PKHD1L1: variants seen among roughly 807,000 people sequenced by gnomAD.
PKHD1L1 encodes the protein fibrocystin-L.
PKHD1L1 carries 434 observed loss-of-function variants against 462.9 expected under a neutral mutation model. That is an observed-to-expected ratio of 0.94 (90% CI 0.87 to 1.02). PKHD1L1 has a LOEUF of 1.02. Among genes scored for constraint, PKHD1L1 ranks in the 50% least tolerant of loss-of-function variants. PKHD1L1 has a pLI of 0.00. For missense variants in PKHD1L1, 5,202 were observed against 5,096.1 expected (o/e 1.02, Z -0.63); for synonymous variants, 1,781 against 1,750.0 (o/e 1.02, Z -0.44).
Position 109,419,265 on chromosome 8 carries a change from G to A in PKHD1L1, c.2524+5G>A, listed in dbSNP as rs1814344095. On this transcript the variant is annotated splice_donor_5th_base_variant and intron_variant, in intron 22 of 77. Transcript: ENST00000378402. ...CTACAATCTCAACATTGGATGGTAT[G>A]TTGTATCATTTTATCTCTGCTTTAA... 3 of 1,575,942 alleles carry A rather than the reference G, an allele frequency of 1.9e-6. No homozygotes were observed. Among genetic ancestry groups the A allele is most frequent in the African/African-American group, 1.3e-5 (1 of 74,418 alleles).
At chr8:109,512,010 T>A (rs1440312226) in intron 71 of PKHD1L1, among the ~76,000 whole-genome samples, 6 of 152,230 alleles carry the variant, frequency 3.9e-5, no homozygotes, top group African/African-American at 1.4e-4. Flanking sequence ...GAAGTGTCTG[T>A]TCATGTCCTT....
chr8:109,456,023 C>T (rs1186127879), intron 45 of PKHD1L1, among the ~76,000 whole-genome samples: 1 of 152,100 alleles, frequency 6.6e-6, no homozygotes, highest in African/African-American at 2.4e-5. Context: ...TAGGGTATAT[C>T]ATTGCAGAAG....
intron 28 of PKHD1L1, 87 bp downstream of exon 28, chr8:109,433,303 G>A (rs1265074571): frequency 5.4e-5 from 59 of 1,100,562 alleles, no homozygotes; most frequent in Middle Eastern, 4.4e-4. Context: ...TATCTTGATC[G>A]TGTACAATTA....
intron 2 of PKHD1L1, among the ~76,000 whole-genome samples, chr8:109,365,580 C>A (rs1412592458): frequency 6.6e-6 from 1 of 152,020 alleles, no homozygotes; most frequent in Admixed American, 6.6e-5. Context: ...ATATCTTTAA[C>A]CATATGTTTC....
intron 2 of PKHD1L1, 97 bp from the exon 3 acceptor site, chr8:109,381,273 G>A (rs924821014): frequency 8.8e-6 from 9 of 1,027,446 alleles, no homozygotes; most frequent in Middle Eastern, 2.3e-4. Flanking sequence ...TAATGTTTAT[G>A]AAATCATTTA....
chr8:109,388,245 A>T (rs1468461089), intron 6 of PKHD1L1, among the ~76,000 whole-genome samples: 3 of 152,160 alleles, frequency 2.0e-5, no homozygotes, highest in East Asian at 3.8e-4. Context: ...CATCTTTCCC[A>T]GTTAAAATGT....
chr8:109,487,924 GGAAGGAAGGAAGGAAGGAAA>G (rs1387224331), intron 59 of PKHD1L1, among the ~76,000 whole-genome samples: 11 of 150,172 alleles, frequency 7.3e-5, no homozygotes, highest in Non-Finnish European at 1.5e-4. Flanking sequence ...AAGGAAGGAA[GGAAGGAAGGAAGGAAGGAAA>G]GAAGGAAGGA....
rs1184813393 is a variant in PKHD1L1 at position 109,532,629 on chromosome 8, T to C, written c.*2539T>C. 6.6e-6 allele frequency among the ~76,000 whole-genome samples: 1 copy of C among 152,192 alleles called. No individual in the cohort carries two copies. The highest frequency in any genetic ancestry group is 1.5e-5 in the Non-Finnish European group (1 of 68,024). ...AGACCTGAAATGTTGGCGAAGTAAA[T>C]ATGTTGTTCCAATTTTGGTCAAAGT... On this transcript the variant is annotated 3_prime_UTR_variant, in exon 78 of 78. Coordinates refer to ENST00000378402, the MANE Select transcript of PKHD1L1 (RefSeq NM_177531.6).
chr8:109,513,559 C>G (rs551535763), intron 71 of PKHD1L1, among the ~76,000 whole-genome samples: 1 of 152,100 alleles, frequency 6.6e-6, no homozygotes, highest in Non-Finnish European at 1.5e-5. Context: ...AGTGTCATCA[C>G]TCAGATTTTC....
chr8:109,374,425 G>A (rs1811694675), intron 2 of PKHD1L1, among the ~76,000 whole-genome samples: 1 of 152,164 alleles, frequency 6.6e-6, no homozygotes, highest in African/African-American at 2.4e-5. Flanking sequence ...CCTGAATACA[G>A]CACACTGATG....
chr8:109,430,972 C>CTTT (rs11315322), intron 27 of PKHD1L1, among the ~76,000 whole-genome samples: 1 of 138,960 alleles, frequency 7.2e-6, no homozygotes. Flanking sequence ...TGAATTCCCA[C>CTTT]TTTTTTTTTT....
In PKHD1L1 at chr8:109,384,178, G is replaced by A; in HGVS notation, c.475+51G>A. On this transcript the variant is annotated intron_variant, in intron 5 of 77. Transcript: ENST00000378402. The stretch of plus-strand genomic sequence containing the variant: ...CTTTTGGTTTCATGGTAAATAATGT[G>A]TTTATTTTTTAGTATATGAAATTAG... 2.3e-6 allele frequency: 3 copies of A among 1,307,532 alleles called. No individual in the cohort carries two copies. The South Asian group carries it at 3.8e-5, about 17-fold the overall frequency. The allele number at this position is 1,307,532 out of a possible 1,614,324, so 81.0% of individuals were successfully genotyped here.
At chr8:109,451,978 G>GA in intron 41 of PKHD1L1, 146 bp from the exon 42 acceptor site, 5 of 641,064 alleles carry the variant, frequency 7.8e-6, no homozygotes, top group Non-Finnish European at 1.2e-5. Flanking sequence ...TCTTAATATT[G>GA]AAAAAAAGCA....
At chr8:109,426,962 A>C (rs553510314) in intron 24 of PKHD1L1, 40 bp from the exon 25 acceptor site, 2 of 1,142,656 alleles carry the variant, frequency 1.8e-6, no homozygotes, top group South Asian at 1.2e-5. Context: ...CCGTTTGTGA[A>C]TTGTGACTCC....
intron 6 of PKHD1L1, 43 bp from the exon 7 acceptor site, chr8:109,388,454 G>T (rs955514296): frequency 2.2e-6 from 3 of 1,379,994 alleles, no homozygotes; most frequent in East Asian, 5.1e-5. Flanking sequence ...GAAACAATTT[G>T]TTAAACATAA....
At chr8:109,406,514 A>C (rs1813545341) in intron 17 of PKHD1L1, 36 bp downstream of exon 17, 1 of 1,553,392 alleles carries the variant, frequency 6.4e-7, no homozygotes, top group Admixed American at 1.9e-5. Context: ...TCTGTAGGAA[A>C]CAAATGTATA....
In PKHD1L1 at chr8:109,526,971, G is replaced by C. The variant is rs753353888; in HGVS notation, c.12672G>C (p.Trp4224Cys). 6.2e-7 allele frequency: 1 copy of C among 1,613,684 alleles called. No homozygotes were observed. The highest frequency in any genetic ancestry group is 2.2e-5 in the East Asian group (1 of 44,868). Reference protein sequence around the residue: ...VVISCLVGRMWLLEIFMAAVS... With the variant: ...VVISCLVGRMCLLEIFMAAVS... ...TTAGCTGTCTGGTTGGAAGAATGTG[G>C]CTCTTGGAAATATTTATGGCTGCAG... is the stretch of plus-strand genomic sequence containing the variant. Residue 4224 changes from tryptophan (W) to cysteine (C), a missense_variant, in exon 77 of 78, where the codon TGG becomes TGC. By Grantham distance (215) the Trp-to-Cys change is radical. This residue lies in a region of PKHD1L1 where 698 missense variants were observed against 736.3 expected (regional missense o/e 0.95). Coordinates refer to ENST00000378402, the MANE Select transcript of PKHD1L1 (RefSeq NM_177531.6).
At chr8:109,390,626 A>T (rs1348289137) in intron 9 of PKHD1L1, 132 bp downstream of exon 9, 1 of 447,522 alleles carries the variant, frequency 2.2e-6, no homozygotes, top group Admixed American at 4.3e-5. Context: ...TTAACAGTTA[A>T]AGAGTCTGTA....
In PKHD1L1 at chr8:109,412,325, C is replaced by A; in HGVS notation, c.2146C>A (p.Leu716Met). The A allele has an allele frequency of 6.2e-7, 1 of 1,613,758 alleles. No individual in the cohort carries two copies. Among genetic ancestry groups the A allele is most frequent in the South Asian group, 1.1e-5 (1 of 91,068 alleles). ...ETDAYCGRYSLKNPAVLFDSA... is the reference protein window; with the variant it reads ...ETDAYCGRYSMKNPAVLFDSA... ...CGATGCTTACTGTGGTCGTTATTCC[C>A]TGAAAAACCCAGCTGTTCTTTTTGA... Residue 716 changes from leucine to methionine, a missense_variant, in exon 20 of 78, where the codon CTG becomes ATG. Around this residue, in one of 3 missense-constraint regions of PKHD1L1, gnomAD observed 4,497 missense variants for 4,336.8 expected, o/e 1.04. Transcript: ENST00000378402.
Sources: gnomAD v4.1 joint callset for allele counts (sites outside exome capture counted in the v4.1 genomes callset) on GRCh38, gnomAD v4.1.1 for gene constraint, gnomAD v4.1.1 regional missense constraint, MANE v1.5 for transcripts, NCBI Gene and HGNC (gene_info 2026-07-23, HGNC 2026-07-21) for gene names.